The following FAM222A variants were observed in gnomAD, a reference collection of about 807,000 sequenced individuals.
FAM222A encodes the protein protein FAM222A.
A neutral mutation model predicts 25.8 loss-of-function variants in FAM222A; 7 were observed. The observed-to-expected ratio is 0.27, with a 90% CI of 0.15 to 0.51. FAM222A has a LOEUF of 0.51. Among genes scored for constraint, FAM222A ranks in the 20% least tolerant of loss-of-function variants. The probability of loss-of-function intolerance (pLI) is 0.97; values close to 1 mark genes in which losing one functional copy is unlikely to be tolerated. For synonymous variants in FAM222A, 294 were observed against 298.8 expected (o/e 0.98, Z 0.17); for missense variants, 573 against 640.5 (o/e 0.89, Z 1.14).
At chr12:109,760,189 A>G (rs1043262109) in intron 2 of FAM222A, among the ~76,000 whole-genome samples, 1 of 152,050 alleles carries the variant, frequency 6.6e-6, no homozygotes, top group African/African-American at 2.4e-5. Flanking sequence ...CCACACACAC[A>G]TTTCACCACT....
intron 2 of FAM222A, among the ~76,000 whole-genome samples, chr12:109,758,662 G>T (rs1015248400): frequency 6.6e-6 from 1 of 152,108 alleles, no homozygotes; most frequent in Admixed American, 6.5e-5. Context: ...ACTCCTGGGC[G>T]ACCTCATTAG....
intron 1 of FAM222A, among the ~76,000 whole-genome samples, chr12:109,737,263 G>A (rs551201013): frequency 3.0e-4 from 46 of 152,126 alleles, no homozygotes; most frequent in African/African-American, 1.1e-3. Context: ...TTGTGCAGAG[G>A]GAAGCCCACC....
Position 109,766,626 on chromosome 12 carries a change from C to T in FAM222A, c.83-1386C>T, listed in dbSNP as rs143165339. On this transcript the variant is annotated intron_variant, in intron 2 of 2. Coordinates refer to ENST00000538780, the MANE Select transcript of FAM222A (RefSeq NM_032829.3). ...CCGTTTCACAGGTGAGGAAGGAAGGCATACGGAGGATAAAAGGGTTAGAAG... is the reference window on the plus strand; with the variant it reads ...CCGTTTCACAGGTGAGGAAGGAAGGTATACGGAGGATAAAAGGGTTAGAAG... Among the ~76,000 whole-genome samples the T allele has an allele frequency of 5.3e-3, 814 of 152,292 alleles. 3 individuals are homozygous for T. The highest frequency in any genetic ancestry group is 0.01 in the Admixed American group (156 of 15,300).
At position 109,744,488 on chromosome 12, in the gene FAM222A, C is replaced by T. The variant is rs535765136; in HGVS notation, c.82+260C>T. 159 of 985,436 alleles carry T rather than the reference C, an allele frequency of 1.6e-4. No homozygotes were observed. In the African/African-American group the frequency reaches 1.6e-3, roughly 10 times the overall value. The allele number at this position is 985,436 out of a possible 1,614,324, so 61.0% of individuals were successfully genotyped here. A position where few individuals can be genotyped will look rare whatever the true frequency, so the allele number is the denominator to read the frequency against. ...AGCAGCCTCTTCTGACCACCACCATCGCCATGCCCCAACCCCGCCTCTGCA... is the reference window on the plus strand; with the variant it reads ...AGCAGCCTCTTCTGACCACCACCATTGCCATGCCCCAACCCCGCCTCTGCA... On this transcript the variant is annotated intron_variant, in intron 2 of 2. Coordinates refer to ENST00000538780, the MANE Select transcript of FAM222A (RefSeq NM_032829.3).
intron 1 of FAM222A, among the ~76,000 whole-genome samples, chr12:109,728,973 TAA>T (rs57626981): frequency 2.7e-5 from 4 of 147,836 alleles, no homozygotes; most frequent in Admixed American, 6.7e-5. Context: ...GGGTTACAGG[TAA>T]AAAAAAAAAA....
rs936273328 is a variant in FAM222A at position 109,714,656 on chromosome 12, C to T, written c.-288C>T. On this transcript the variant is annotated 5_prime_UTR_variant, in exon 1 of 3. Coordinates refer to ENST00000538780, the MANE Select transcript of FAM222A (RefSeq NM_032829.3). This position sits in a 1 kb window ranked among gnomAD's most constrained non-coding sequence, Gnocchi z 4.2. ...GCGTCGCCTGAGCGCCCGCGCGGCC[C>T]CCGTCCGGGGCGGGCGTGACCCCTG... is the stretch of plus-strand genomic sequence containing the variant. 1 of 152,122 alleles carries T rather than the reference C, an allele frequency of 6.6e-6. No homozygotes were observed. The highest frequency in any genetic ancestry group is 1.5e-5 in the Non-Finnish European group (1 of 67,988). The allele number at this position is 152,122 out of a possible 1,614,324, so 9.4% of individuals were successfully genotyped here.
At chr12:109,719,229 C>T (rs1292535637) in intron 1 of FAM222A, among the ~76,000 whole-genome samples, 1 of 152,226 alleles carries the variant, frequency 6.6e-6, no homozygotes, top group African/African-American at 2.4e-5. Flanking sequence ...CTAAGAAATG[C>T]ACATGCTGGT....
Position 109,768,934 on chromosome 12 carries a change from G to A in FAM222A, c.1005G>A (p.Leu335=). The change falls in exon 3 of 3, where the codon CTG becomes CTA. Residue 335 remains leucine, a synonymous_variant. Coordinates refer to ENST00000538780, the MANE Select transcript of FAM222A (RefSeq NM_032829.3). The part of the protein sequence containing the change: ...SGSPLNCGVG[L]PTSFTVGQYF... ...CACCCCTCAACTGTGGCGTGGGGCT[G>A]CCCACCAGCTTCACCGTAGGCCAGT... 1 of 1,576,320 alleles carries A rather than the reference G, an allele frequency of 6.3e-7. No homozygotes were observed. Among genetic ancestry groups the A allele is most frequent in the South Asian group, 1.1e-5 (1 of 87,532 alleles).
intron 2 of FAM222A, among the ~76,000 whole-genome samples, chr12:109,765,200 C>T (rs1254497515): frequency 1.3e-5 from 2 of 152,230 alleles, no homozygotes; most frequent in Non-Finnish European, 2.9e-5. Flanking sequence ...CCCCTTTGGC[C>T]CTGCTGACAG....
chr12:109,767,330 C>G (rs1889082325), intron 2 of FAM222A, among the ~76,000 whole-genome samples: 1 of 152,058 alleles, frequency 6.6e-6, no homozygotes, highest in African/African-American at 2.4e-5. Flanking sequence ...GAGTTTAAGA[C>G]TGGCCTGGCC....
At chr12:109,740,374 G>GC (rs1363348017) in intron 1 of FAM222A, among the ~76,000 whole-genome samples, 50 of 152,048 alleles carry the variant, frequency 3.3e-4, no homozygotes, top group African/African-American at 1.1e-3. Context: ...TCCCCTCCCT[G>GC]CCCCCCCTTT....
Position 109,769,626 on chromosome 12 carries a change from A to C in FAM222A, c.*338A>C. The C allele has an allele frequency of 3.1e-6, 1 of 317,516 alleles. No individual in the cohort carries two copies. The highest frequency in any genetic ancestry group is 5.9e-6 in the Non-Finnish European group (1 of 170,426). The allele number at this position is 317,516 out of a possible 1,614,324, so 19.7% of individuals were successfully genotyped here. ...TGGTTCTTTCTGGGCCTCCTGGGAC[A>C]GGGGCCCAGGCCAAGGTGGGGTGCA... On this transcript the variant is annotated 3_prime_UTR_variant, in exon 3 of 3. Transcript: ENST00000538780.
At chr12:109,717,612 G>A (rs1039502349) in intron 1 of FAM222A, among the ~76,000 whole-genome samples, 9 of 152,192 alleles carry the variant, frequency 5.9e-5, no homozygotes, top group Non-Finnish European at 1.2e-4. Context: ...AGGGGCAGCC[G>A]TGAGTGGCTG....
rs77314052 is a variant in FAM222A at position 109,735,045 on chromosome 12, C to A, written c.-46-9056C>A. ...TAACCCCTGCCTCGAAGGCTCCATT[C>A]ATTTCTGCCCCAGCCTGACCCCCAG... On this transcript the variant is annotated intron_variant, in intron 1 of 2. Transcript: ENST00000538780. 1,527 of 152,926 alleles carry A rather than the reference C, an allele frequency of 1.0e-2. 24 individuals are homozygous for A. Among genetic ancestry groups the A allele is most frequent in the African/African-American group, 0.035 (1,467 of 41,586 alleles). The allele number at this position is 152,926 out of a possible 1,614,324, so 9.5% of individuals were successfully genotyped here.
chr12:109,750,969 T>C (rs1337717292), intron 2 of FAM222A, among the ~76,000 whole-genome samples: 1 of 152,060 alleles, frequency 6.6e-6, no homozygotes, highest in African/African-American at 2.4e-5. Context: ...GAGTTGACCA[T>C]AGAGAGTCTG....
At chr12:109,733,051 G>GTCTC (rs1273491874) in intron 1 of FAM222A, among the ~76,000 whole-genome samples, 2 of 152,224 alleles carry the variant, frequency 1.3e-5, no homozygotes, top group African/African-American at 4.8e-5. Context: ...GTCAAGGAGG[G>GTCTC]TCTCTCGGAG....
intron 1 of FAM222A, among the ~76,000 whole-genome samples, chr12:109,715,677 T>C (rs1435951439): frequency 6.6e-6 from 1 of 152,206 alleles, no homozygotes; most frequent in East Asian, 1.9e-4. Context: ...TCCCTGTTGA[T>C]GCTCCTCCCC....
chr12:109,751,118 G>A lies in FAM222A; in HGVS notation c.82+6890G>A, dbSNP rs569360720. Among the ~76,000 whole-genome samples, 3 of 152,142 alleles carry A rather than the reference G, an allele frequency of 2.0e-5. No homozygotes were observed. In the East Asian group the frequency reaches 5.8e-4, roughly 29 times the overall value. On this transcript the variant is annotated intron_variant, in intron 2 of 2. Transcript: ENST00000538780. ...TTCCCTATGTACCTTTTTCTGATTA[G>A]ACCTTTCTGACTCATTTTATGTTGC...
chr12:109,764,853 C>T (rs1888998851), intron 2 of FAM222A, among the ~76,000 whole-genome samples: 1 of 152,158 alleles, frequency 6.6e-6, no homozygotes, highest in Admixed American at 6.5e-5. Flanking sequence ...TAGTTTAAAT[C>T]CAATCTCGGA....
Sources: gnomAD v4.1 joint callset for allele counts (sites outside exome capture counted in the v4.1 genomes callset) on GRCh38, gnomAD v4.1.1 for gene constraint, Gnocchi (gnomAD v3.1) non-coding constraint, MANE v1.5 for transcripts, NCBI Gene and HGNC (gene_info 2026-07-23, HGNC 2026-07-21) for gene names.